Variants in DCP2 observed in about 807,000 individuals in gnomAD.
DCP2 encodes m7GpppN-mRNA hydrolase.
Under a neutral mutation model 56.1 loss-of-function variants are expected in DCP2, and 30 were observed. That is an observed-to-expected ratio of 0.53 (90% CI 0.40 to 0.73). The LOEUF (loss-of-function observed/expected upper bound fraction) is 0.73, where lower values mean the gene tolerates loss of function less well. Among genes scored for constraint, DCP2 ranks in the 30% least tolerant of loss-of-function variants. The pLI is 0.00. For synonymous variants in DCP2, 197 were observed against 163.3 expected (o/e 1.21, Z -1.57); for missense variants, 533 against 502.7 (o/e 1.06, Z -0.58).
intron 1 of DCP2, among the ~76,000 whole-genome samples, chr5:112,981,249 ATCC>A (rs1475486734): frequency 1.3e-5 from 2 of 152,030 alleles, no homozygotes; most frequent in East Asian, 1.9e-4. Flanking sequence ...GCCTCAAGCA[ATCC>A]TCCTGCCTCA....
chr5:113,010,905 T>C, intron 10 of DCP2, 98 bp downstream of exon 10: 1 of 1,287,590 alleles, frequency 7.8e-7, no homozygotes, highest in Non-Finnish European at 1.1e-6. Flanking sequence ...CTGTGATAGT[T>C]AAGCAGGAAG....
intron 10 of DCP2, among the ~76,000 whole-genome samples, chr5:113,011,414 C>G (rs1466043358): frequency 2.0e-5 from 3 of 152,130 alleles, no homozygotes; most frequent in African/African-American, 4.8e-5. Context: ...GTAGAAAGCT[C>G]TTTGTTAAAT....
At chr5:112,984,624 A>G (rs1202365268) in intron 1 of DCP2, 1 of 149,758 alleles carries the variant, frequency 6.7e-6, no homozygotes, top group Non-Finnish European at 1.5e-5. Context: ...TGCAATCTCT[A>G]AAAACCTGAT....
chr5:112,977,074 C>A, intron 1 of DCP2, 88 bp downstream of exon 1: 1 of 1,020,134 alleles, frequency 9.8e-7, no homozygotes, highest in Non-Finnish European at 1.4e-6. Flanking sequence ...CTTCCCCGCC[C>A]ACGTCCATGT....
Position 113,004,027 on chromosome 5 carries a change from C to A in DCP2, c.892C>A (p.Gln298Lys). Residue 298 changes from glutamine to lysine, a missense_variant, in exon 8 of 11, where the codon CAA (glutamine) becomes AAA (lysine). Around this residue, in one of 3 missense-constraint regions of DCP2, gnomAD observed 392 missense variants for 346.6 expected, o/e 1.13. Coordinates refer to ENST00000389063, the MANE Select transcript of DCP2 (RefSeq NM_152624.6). ...GGTAAAGCACAGGCAACCACTGCAG[C>A]AAAAGCCATATAATAATCATTCTGA... ...QWVKHRQPLQQKPYNNHSEMS... is the reference protein window; with the variant it reads ...QWVKHRQPLQKKPYNNHSEMS... The A allele has an allele frequency of 6.2e-7, 1 of 1,614,014 alleles. No homozygotes were observed. The highest frequency in any genetic ancestry group is 1.1e-5 in the South Asian group (1 of 91,064).
chr5:113,011,171 T>C (rs554458534), intron 10 of DCP2, among the ~76,000 whole-genome samples: 1 of 152,198 alleles, frequency 6.6e-6, no homozygotes, highest in South Asian at 2.1e-4. Context: ...GCACTGACTT[T>C]AGAAGGGGAA....
At position 113,001,633 on chromosome 5, in the gene DCP2, A is replaced by T. The variant is rs373950381; in HGVS notation, c.765A>T (p.Ser255=). The T allele has an allele frequency of 6.7e-5, 108 of 1,614,070 alleles. No individual in the cohort carries two copies. The highest frequency in any genetic ancestry group is 1.7e-5 in the Admixed American group (1 of 60,012). Residue 255 remains serine (S), a synonymous_variant, in exon 7 of 11, where the codon TCA becomes TCT. Coordinates refer to ENST00000389063, the MANE Select transcript of DCP2 (RefSeq NM_152624.6). ...CAGACAGTGACAATGGATTTTCCTC[A>T]ACTGGTAGCACGCCGGCTAAACCCA... is the stretch of plus-strand genomic sequence containing the variant. ...DSSDSDNGFS[S]TGSTPAKPTV...
chr5:112,993,624 CAAA>C (rs769397326), intron 4 of DCP2, among the ~76,000 whole-genome samples: 3 of 63,966 alleles, frequency 4.7e-5, no homozygotes, highest in Non-Finnish European at 9.6e-5. Context: ...AACACTATCT[CAAA>C]AAAAAAAAAA....
intron 10 of DCP2, among the ~76,000 whole-genome samples, chr5:113,012,029 T>C (rs1749698347): frequency 6.6e-6 from 1 of 152,236 alleles, no homozygotes; most frequent in African/African-American, 2.4e-5. Flanking sequence ...ATAGGATTTT[T>C]TTCTGGCCAC....
Position 112,976,920 on chromosome 5 carries a change from T to C in DCP2, c.-14T>C, listed in dbSNP as rs1207079849. 1.2e-6 allele frequency: 2 copies of C among 1,613,310 alleles called. No homozygotes were observed. The highest frequency in any genetic ancestry group is 3.3e-5 in the Admixed American group (2 of 59,988). ...CGGAGCCGGGATGCACTGTTCCTGC[T>C]GTGGGTCCTCATCATGGAGACCAAA... On this transcript the variant is annotated 5_prime_UTR_variant, in exon 1 of 11. Transcript: ENST00000389063.
intron 8 of DCP2, among the ~76,000 whole-genome samples, chr5:113,005,945 C>A (rs2150187822): frequency 6.6e-6 from 1 of 152,050 alleles, no homozygotes; most frequent in African/African-American, 2.4e-5. Flanking sequence ...CCCACCTGGG[C>A]AGCATGTCTC....
At chr5:113,007,799 A>AG in intron 8 of DCP2, 139 bp from the exon 9 acceptor site, 1 of 638,610 alleles carries the variant, frequency 1.6e-6, no homozygotes, top group Admixed American at 2.9e-5. Context: ...ATACATTGAT[A>AG]GGGTGATTAA....
At chr5:113,000,252 C>T (rs1041717148) in intron 4 of DCP2, among the ~76,000 whole-genome samples, 31 of 150,894 alleles carry the variant, frequency 2.1e-4, no homozygotes, top group African/African-American at 7.3e-4. Flanking sequence ...GCCACTGTGC[C>T]CAGTCCTGTT....
intron 4 of DCP2, among the ~76,000 whole-genome samples, chr5:112,997,056 C>G (rs1379985315): frequency 6.6e-6 from 1 of 152,222 alleles, no homozygotes; most frequent in African/African-American, 2.4e-5. Flanking sequence ...AGGGGACTTC[C>G]TTATCATGCT....
At chr5:113,001,817 AT>A in intron 7 of DCP2, 143 bp downstream of exon 7, 1 of 770,710 alleles carries the variant, frequency 1.3e-6, no homozygotes, top group Non-Finnish European at 2.1e-6. Flanking sequence ...ATAATAGAAG[AT>A]TTTTTTAAAG....
intron 2 of DCP2, among the ~76,000 whole-genome samples, chr5:112,989,612 A>G (rs1333075648): frequency 1.3e-5 from 2 of 152,194 alleles, no homozygotes; most frequent in African/African-American, 2.4e-5. Flanking sequence ...ATATTTCTTT[A>G]AAAAACAGAT....
At chr5:112,995,694 T>G (rs1330731404) in intron 4 of DCP2, among the ~76,000 whole-genome samples, 1 of 152,348 alleles carries the variant, frequency 6.6e-6, no homozygotes, top group East Asian at 1.9e-4. Context: ...CTAAGGAACT[T>G]TAATTTCAGT....
At chr5:112,980,416 A>G (rs1747948198) in intron 1 of DCP2, among the ~76,000 whole-genome samples, 1 of 152,210 alleles carries the variant, frequency 6.6e-6, no homozygotes. Context: ...TTCAACCGGA[A>G]CATTTTTCTA....
chr5:113,009,372 G>T (rs542260038), intron 9 of DCP2, among the ~76,000 whole-genome samples: 16 of 152,216 alleles, frequency 1.1e-4, no homozygotes, highest in Middle Eastern at 3.4e-3. Context: ...GAAATAAAAG[G>T]GACTGATAAA....
Sources: gnomAD v4.1 joint callset for allele counts (sites outside exome capture counted in the v4.1 genomes callset) on GRCh38, gnomAD v4.1.1 for gene constraint, gnomAD v4.1.1 regional missense constraint, MANE v1.5 for transcripts, NCBI Gene and HGNC (gene_info 2026-07-23, HGNC 2026-07-21) for gene names.